MIX23: variants seen among roughly 807,000 people sequenced by gnomAD.
MIX23 encodes the protein protein MIX23.
Under a neutral mutation model 21.6 loss-of-function variants are expected in MIX23, and 13 were observed. The ratio of observed to expected loss-of-function variants is 0.60; its 90% CI spans 0.39 to 0.96. The LOEUF is 0.96. Ranked by LOEUF, MIX23 falls within the 40% of genes least tolerant of loss-of-function variation. The pLI, the probability that MIX23 is intolerant of heterozygous loss-of-function variation, is 0.00. For missense variants in MIX23, 144 were observed against 171.2 expected (o/e 0.84, Z 0.89); for synonymous variants, 59 against 58.0 (o/e 1.02, Z -0.08).
intron 1 of MIX23, among the ~76,000 whole-genome samples, chr3:122,375,186 T>C (rs777527805): frequency 6.6e-6 from 1 of 151,988 alleles, no homozygotes; most frequent in African/African-American, 2.4e-5. Context: ...GGAGAGGTAG[T>C]TGGACTTAGG....
intron 3 of MIX23, chr3:122,366,329 T>C (rs2075396586): frequency 6.6e-6 from 1 of 152,188 alleles, no homozygotes; most frequent in Admixed American, 6.5e-5. Context: ...AGGTATGGAA[T>C]ACAGACCTGA....
intron 2 of MIX23, among the ~76,000 whole-genome samples, chr3:122,369,533 G>A (rs927771653): frequency 6.6e-6 from 1 of 152,124 alleles, no homozygotes; most frequent in Admixed American, 6.5e-5. Flanking sequence ...CTCGATCCCT[G>A]GCACAAAGCT....
intron 3 of MIX23, 74 bp downstream of exon 3, chr3:122,368,102 A>G: frequency 7.0e-7 from 1 of 1,437,462 alleles, no homozygotes; most frequent in Non-Finnish European, 9.6e-7. Context: ...CAAAATTTTC[A>G]TATTAAAAAT....
chr3:122,381,423 C>T lies in MIX23; in HGVS notation c.51+1751G>A, dbSNP rs545115874. ...CCCTAATCCGATAGAACTGATGTCC[C>T]TATAAGAAGAGGAAGAGATAGGCTG... is the stretch of plus-strand genomic sequence containing the variant. On this transcript the variant is annotated intron_variant, in intron 1 of 4. Coordinates refer to ENST00000291458, the MANE Select transcript of MIX23 (RefSeq NM_001017928.4). Among the ~76,000 whole-genome samples, 372 of 152,230 alleles carry T rather than the reference C, an allele frequency of 2.4e-3. 2 individuals carry two copies. Among genetic ancestry groups the T allele is most frequent in the African/African-American group, 7.0e-3 (290 of 41,542 alleles).
intron 3 of MIX23, among the ~76,000 whole-genome samples, chr3:122,364,329 C>T (rs1165391855): frequency 6.6e-6 from 1 of 152,166 alleles, no homozygotes; most frequent in Non-Finnish European, 1.5e-5. Context: ...TGAAGAAGCC[C>T]ACCAATGCAA....
At chr3:122,381,141 ACT>A (rs2107689945) in intron 1 of MIX23, among the ~76,000 whole-genome samples, 1 of 152,268 alleles carries the variant, frequency 6.6e-6, no homozygotes, top group Admixed American at 6.5e-5. Context: ...CTAAGGCCCA[ACT>A]CTCTAAATTC....
chr3:122,374,583 T>C (rs1024406307), intron 1 of MIX23, among the ~76,000 whole-genome samples: 4 of 152,220 alleles, frequency 2.6e-5, no homozygotes, highest in African/African-American at 7.2e-5. Flanking sequence ...ATGTTCAGTA[T>C]GGATGCAACT....
At chr3:122,372,266 T>C (rs1303199700) in intron 1 of MIX23, among the ~76,000 whole-genome samples, 1 of 101,700 alleles carries the variant, frequency 9.8e-6, no homozygotes, top group Non-Finnish European at 2.0e-5. Flanking sequence ...AAAAATAATA[T>C]CAAAAGGGCA....
chr3:122,375,602 G>A (rs1052485138), intron 1 of MIX23, among the ~76,000 whole-genome samples: 8 of 152,160 alleles, frequency 5.3e-5, no homozygotes, highest in Admixed American at 1.3e-4. Context: ...TTGGAGTTGG[G>A]GGATGGGTAC....
In MIX23 at chr3:122,374,352, TG is replaced by T. The variant is rs548061523; in HGVS notation, c.52-2553del. Among the ~76,000 whole-genome samples the T allele has an allele frequency of 2.5e-3, 388 of 152,284 alleles. 2 individuals carry two copies. Among genetic ancestry groups the T allele is most frequent in the African/African-American group, 9.0e-3 (374 of 41,564 alleles). On this transcript the variant is annotated intron_variant, in intron 1 of 4. Transcript: ENST00000291458. Reference sequence around the variant, plus strand: ...AATTACTGTCATCCCTTAGTATCCATGGGGGTTTGGTTCCAGGTCCTCCTAT... The same window carrying T: ...AATTACTGTCATCCCTTAGTATCCATGGGGTTTGGTTCCAGGTCCTCCTAT...
At chr3:122,362,894 C>A in intron 4 of MIX23, 74 bp downstream of exon 4, 1 of 1,183,030 alleles carries the variant, frequency 8.5e-7, no homozygotes, top group Admixed American at 1.8e-5. Flanking sequence ...ACTCTTTACT[C>A]CCCCTCCCTT....
rs958554175 is a variant in MIX23 at position 122,371,928 on chromosome 3, C to A, written c.52-128G>T. On this transcript the variant is annotated intron_variant, in intron 1 of 4. Coordinates refer to ENST00000291458, the MANE Select transcript of MIX23 (RefSeq NM_001017928.4). ...TTAAGTCAGGAGTGAGGAAACCAAG[C>A]CAAATACATGCAACCATAAGAAAAT... The A allele has an allele frequency of 2.9e-5, 20 of 699,446 alleles. No homozygotes were observed. The African/African-American group carries it at 2.9e-4, about 10-fold the overall frequency. The allele number at this position is 699,446 out of a possible 1,614,324, so 43.3% of individuals were successfully genotyped here.
chr3:122,361,138 G>C (rs1204103413), intron 4 of MIX23, among the ~76,000 whole-genome samples: 2 of 152,170 alleles, frequency 1.3e-5, no homozygotes, highest in South Asian at 2.1e-4. Flanking sequence ...AGCCAGTAAA[G>C]TGCTGCGCCT....
At chr3:122,383,076 C>A in intron 1 of MIX23, 98 bp downstream of exon 1, 1 of 1,509,842 alleles carries the variant, frequency 6.6e-7, no homozygotes, top group Middle Eastern at 1.7e-4. Context: ...GAATTGCCCG[C>A]TTTTTCCAAA....
chr3:122,368,597 C>G (rs1361666458), intron 2 of MIX23, among the ~76,000 whole-genome samples: 1 of 152,154 alleles, frequency 6.6e-6, no homozygotes, highest in Non-Finnish European at 1.5e-5. Context: ...TCTGCATTCC[C>G]CAAGCTGGGC....
intron 3 of MIX23, among the ~76,000 whole-genome samples, chr3:122,366,955 C>A (rs887430622): frequency 4.6e-5 from 7 of 151,762 alleles, no homozygotes; most frequent in South Asian, 2.1e-4. Flanking sequence ...AAAAAAAAAA[C>A]CATGATTTTG....
chr3:122,370,451 T>C lies in MIX23; in HGVS notation c.177+1224A>G, dbSNP rs574671984. On this transcript the variant is annotated intron_variant, in intron 2 of 4. Transcript: ENST00000291458. ...CAGCCTGGGTGACAAAGTGAGACAC[T>C]GTCTCAAAAAAAAAAAAAAAAAAAA... Among the ~76,000 whole-genome samples, 9 of 98,716 alleles carry C rather than the reference T, an allele frequency of 9.1e-5. No individual in the cohort carries two copies. In the South Asian group the frequency reaches 1.7e-3, roughly 19 times the overall value. 64.8% of individuals were successfully genotyped at this position (98,716 alleles called of 152,430 possible).
intron 2 of MIX23, among the ~76,000 whole-genome samples, chr3:122,369,227 G>C (rs1183040109): frequency 6.6e-6 from 1 of 152,134 alleles, no homozygotes; most frequent in Non-Finnish European, 1.5e-5. Flanking sequence ...TAGATTGAAG[G>C]GAATATGCTC....
intron 4 of MIX23, among the ~76,000 whole-genome samples, chr3:122,360,621 A>T (rs950434333): frequency 1.3e-5 from 2 of 152,142 alleles, no homozygotes; most frequent in Non-Finnish European, 2.9e-5. Flanking sequence ...TATTAAAAAA[A>T]TTTAAATCAT....
Sources: allele counts gnomAD v4.1 joint callset (sites outside exome capture counted in the v4.1 genomes callset), GRCh38; gene constraint gnomAD v4.1.1; transcripts MANE v1.5; gene names NCBI Gene and HGNC (gene_info 2026-07-23, HGNC 2026-07-21).